The following PACRG variants were observed in gnomAD, a reference collection of about 807,000 sequenced individuals.
PACRG encodes parkin coregulated gene protein.
In PACRG, 29 loss-of-function variants were observed where a neutral mutation model predicts 29.7. The observed-to-expected ratio is 0.98, with a 90% confidence interval of 0.73 to 1.33. PACRG has a LOEUF of 1.33. PACRG is among the 40% of genes most tolerant of loss of function. PACRG has a pLI of 0.00. For synonymous variants in PACRG, 116 were observed against 118.7 expected (o/e 0.98, Z 0.15); for missense variants, 279 against 316.2 (o/e 0.88, Z 0.89).
At chr6:162,739,169 G>T (rs964219173) in intron 1 of PACRG, among the ~76,000 whole-genome samples, 1 of 152,168 alleles carries the variant, frequency 6.6e-6, no homozygotes, top group African/African-American at 2.4e-5. Context: ...ATCATAAATT[G>T]TTGGTATCAG....
intron 3 of PACRG, among the ~76,000 whole-genome samples, chr6:163,076,203 T>C (rs1812525250): frequency 6.6e-6 from 1 of 152,216 alleles, no homozygotes; most frequent in Non-Finnish European, 1.5e-5. Flanking sequence ...TTCTCTGTGG[T>C]GGACAACAGC....
chr6:163,268,577 T>C (rs1783623041), intron 4 of PACRG, among the ~76,000 whole-genome samples: 1 of 152,182 alleles, frequency 6.6e-6, no homozygotes, highest in African/African-American at 2.4e-5. Flanking sequence ...CCCTAAACGG[T>C]CAGTTTGCTG....
chr6:163,048,667 G>T (rs1486290387), intron 2 of PACRG, among the ~76,000 whole-genome samples: 2 of 152,106 alleles, frequency 1.3e-5, no homozygotes, highest in African/African-American at 4.8e-5. Flanking sequence ...CTACTATTTG[G>T]AGGTTAAGTA....
intron 2 of PACRG, among the ~76,000 whole-genome samples, chr6:162,871,689 C>T (rs761021330): frequency 1.6e-4 from 25 of 152,014 alleles, no homozygotes; most frequent in Non-Finnish European, 3.2e-4. Context: ...GAGGCCGAGG[C>T]GGGCGGATCA....
At chr6:162,903,583 T>A (rs940956523) in intron 2 of PACRG, among the ~76,000 whole-genome samples, 1 of 152,084 alleles carries the variant, frequency 6.6e-6, no homozygotes, top group Non-Finnish European at 1.5e-5. Context: ...TGAGACTGAT[T>A]CACTACCACA....
chr6:163,135,309 C>T lies in PACRG; in HGVS notation c.613+45901C>T, dbSNP rs142634447. On this transcript the variant is annotated intron_variant, in intron 4 of 4. Coordinates refer to ENST00000366888, the MANE Select transcript of PACRG (RefSeq NM_001080379.2). ...GTTCAAGCGATTCTCCTGCCTCAGC[C>T]TCCCAAGTAGCTGGGACTACAGGCA... Among the ~76,000 whole-genome samples, 316 of 152,162 alleles carry T rather than the reference C, an allele frequency of 2.1e-3. 11 individuals are homozygous for T. In the East Asian group the frequency reaches 0.048, roughly 23 times the overall value.
At chr6:163,041,181 C>A (rs532507603) in intron 2 of PACRG, among the ~76,000 whole-genome samples, 30 of 151,918 alleles carry the variant, frequency 2.0e-4, no homozygotes, top group African/African-American at 7.0e-4. Context: ...ACTAAAAATA[C>A]AAAAAATTAG....
intron 4 of PACRG, among the ~76,000 whole-genome samples, chr6:163,122,792 A>G (rs1439219661): frequency 2.6e-5 from 4 of 152,222 alleles, no homozygotes; most frequent in African/African-American, 9.7e-5. Flanking sequence ...TAATGTGTAC[A>G]ATTTGGTGAG....
At chr6:163,118,257 T>G (rs476653) in intron 4 of PACRG, among the ~76,000 whole-genome samples, 108,699 of 152,128 alleles carry the variant, frequency 0.71, 39,710 homozygotes, top group African/African-American at 0.87. Context: ...ATGAACGGGT[T>G]TATGAATAGC....
intron 4 of PACRG, among the ~76,000 whole-genome samples, chr6:163,195,484 C>T (rs1464701495): frequency 2.0e-5 from 3 of 152,100 alleles, no homozygotes; most frequent in African/African-American, 7.2e-5. Context: ...GAGGCCTCTT[C>T]CCTTTCCACA....
intron 4 of PACRG, among the ~76,000 whole-genome samples, chr6:163,092,768 G>C (rs1474155244): frequency 6.6e-6 from 1 of 152,148 alleles, no homozygotes; most frequent in East Asian, 1.9e-4. Flanking sequence ...ATTAATGAGA[G>C]AGCCATTATG....
At chr6:163,122,240 C>G (rs998758007) in intron 4 of PACRG, among the ~76,000 whole-genome samples, 2 of 148,132 alleles carry the variant, frequency 1.4e-5, no homozygotes, top group African/African-American at 5.1e-5. Context: ...TGATAGATTT[C>G]TGAGTTCTCA....
chr6:162,781,022 C>A (rs138205874), intron 1 of PACRG, among the ~76,000 whole-genome samples: 14 of 151,708 alleles, frequency 9.2e-5, no homozygotes, highest in Admixed American at 2.6e-4. Context: ...AACTATGAAC[C>A]CACAGATCTA....
chr6:163,119,776 G>C (rs1293924685), intron 4 of PACRG, among the ~76,000 whole-genome samples: 3 of 152,180 alleles, frequency 2.0e-5, no homozygotes, highest in African/African-American at 7.2e-5. Flanking sequence ...GAAAAGTGCT[G>C]AGAAAACAAT....
Position 162,962,878 on chromosome 6 carries a change from G to A in PACRG, c.292-99272G>A, listed in dbSNP as rs73023106. On this transcript the variant is annotated intron_variant, in intron 2 of 4. Coordinates refer to ENST00000366888, the MANE Select transcript of PACRG (RefSeq NM_001080379.2). ...AGCTTCTCTGAACTGTATTCCTGAC[G>A]ATGAACGTGCCTCTGTTCAGGTTGT... 5.0e-3 allele frequency among the ~76,000 whole-genome samples: 768 copies of A among 152,268 alleles called. 8 individuals carry two copies. The highest frequency in any genetic ancestry group is 0.04 in the South Asian group (193 of 4,812).
intron 4 of PACRG, among the ~76,000 whole-genome samples, chr6:163,100,233 T>C (rs1192807876): frequency 1.3e-5 from 2 of 152,076 alleles, no homozygotes; most frequent in Non-Finnish European, 2.9e-5. Context: ...CCTCTCGTGC[T>C]GGGATCCCTG....
At chr6:162,937,973 T>C (rs1028077) in intron 2 of PACRG, among the ~76,000 whole-genome samples, 81,928 of 151,772 alleles carry the variant, frequency 0.54, 22,720 homozygotes, top group Middle Eastern at 0.7. Flanking sequence ...TAGTGGTGAT[T>C]TGTGAGATTT....
intron 2 of PACRG, among the ~76,000 whole-genome samples, chr6:162,997,703 G>A (rs1196332272): frequency 6.6e-6 from 1 of 152,212 alleles, no homozygotes; most frequent in Non-Finnish European, 1.5e-5. Context: ...AGCCAGGAAT[G>A]GGAGTTCCCA....
chr6:163,097,681 T>C (rs1814723745), intron 4 of PACRG, among the ~76,000 whole-genome samples: 1 of 152,208 alleles, frequency 6.6e-6, no homozygotes, highest in African/African-American at 2.4e-5. Flanking sequence ...TTACAGGTCA[T>C]AGTGGGTTCA....
Sources: allele counts gnomAD v4.1 joint callset (sites outside exome capture counted in the v4.1 genomes callset), GRCh38; gene constraint gnomAD v4.1.1; transcripts MANE v1.5; gene names NCBI Gene and HGNC (gene_info 2026-07-23, HGNC 2026-07-21).